Variants in TANC1 observed in about 807,000 individuals in gnomAD.
TANC1 encodes tetratricopeptide repeat, ankyrin repeat and coiled-coil containing 1.
TANC1 carries 77 observed loss-of-function variants against 149.7 expected under a neutral mutation model. The ratio of observed to expected loss-of-function variants is 0.51; its 90% CI spans 0.43 to 0.62. The LOEUF (loss-of-function observed/expected upper bound fraction) is 0.62, where lower values mean the gene tolerates loss of function less well. TANC1 is among the 20% of genes least tolerant of loss of function. TANC1 has a pLI of 0.00. For synonymous variants in TANC1, 854 were observed against 925.0 expected, an observed-to-expected ratio of 0.92 and a Z score of 1.39; for missense variants, 1,985 against 2,321.8, an observed-to-expected ratio of 0.85 and a Z score of 2.98.
chr2:159,188,244 A>C (rs1341054642), intron 16 of TANC1, among the ~76,000 whole-genome samples: 1 of 152,250 alleles, frequency 6.6e-6, no homozygotes, highest in African/African-American at 2.4e-5. Context: ...CAATTAAGGA[A>C]CTTTTTTTAG....
At chr2:159,018,667 C>A (rs1053220691) in intron 2 of TANC1, among the ~76,000 whole-genome samples, 1 of 152,172 alleles carries the variant, frequency 6.6e-6, no homozygotes, top group South Asian at 2.1e-4. Flanking sequence ...TTCCCTCAGC[C>A]CCTCTAACCT....
At chr2:159,154,889 G>A (rs566814813) in intron 7 of TANC1, among the ~76,000 whole-genome samples, 1 of 152,254 alleles carries the variant, frequency 6.6e-6, no homozygotes, top group East Asian at 1.9e-4. Context: ...GTTACTTACT[G>A]TGAAAAGAAA....
intron 2 of TANC1, among the ~76,000 whole-genome samples, chr2:159,042,004 TCTC>T (rs1252438014): frequency 6.6e-6 from 1 of 152,164 alleles, no homozygotes; most frequent in Non-Finnish European, 1.5e-5. Flanking sequence ...CATGTAGGGT[TCTC>T]CTCTGTGCTT....
intron 19 of TANC1, 53 bp from the exon 20 acceptor site, chr2:159,217,444 A>C (rs928468475): frequency 4.4e-6 from 7 of 1,607,728 alleles, no homozygotes; most frequent in Non-Finnish European, 6.0e-6. Flanking sequence ...ATTTCTGGCT[A>C]TCTGTGCTCC....
At chr2:159,140,261 A>G (rs1208593338) in intron 5 of TANC1, among the ~76,000 whole-genome samples, 4 of 152,140 alleles carry the variant, frequency 2.6e-5, no homozygotes, top group African/African-American at 7.2e-5. Context: ...ATTGAAAAAA[A>G]TGCATAGTCA....
chr2:159,094,671 T>G (rs1199431373), intron 3 of TANC1, among the ~76,000 whole-genome samples: 1 of 151,872 alleles, frequency 6.6e-6, no homozygotes, highest in African/African-American at 2.4e-5. Flanking sequence ...TCCAGACTCA[T>G]GCACAGTGCT....
Position 159,227,930 on chromosome 2 carries a change from T to C in TANC1, c.4015T>C (p.Tyr1339His), listed in dbSNP as rs1337434267. The change falls in exon 25 of 27, where the codon TAT (tyrosine) becomes CAT (histidine). Residue 1339 changes from tyrosine to histidine, a missense_variant. Tyr to His is a moderately conservative substitution (Grantham distance 83). This residue lies in a region of TANC1 where 920 missense variants were observed against 994.7 expected (regional missense o/e 0.92). Transcript: ENST00000263635. Reference protein sequence around the residue: ...RPFNELRVSLYLNLSRCRRKT... With the variant: ...RPFNELRVSLHLNLSRCRRKT... ...CTTCAATGAATTAAGGGTTTCCCTC[T>C]ATCTCAATTTGTCGCGATGCCGAAG... The C allele has an allele frequency of 6.2e-7, 1 of 1,613,476 alleles. No individual in the cohort carries two copies. The highest frequency in any genetic ancestry group is 8.5e-7 in the Non-Finnish European group (1 of 1,179,822).
chr2:159,030,897 C>T (rs1206737843), intron 2 of TANC1, among the ~76,000 whole-genome samples: 1 of 152,004 alleles, frequency 6.6e-6, no homozygotes, highest in East Asian at 1.9e-4. Context: ...GGGAGGGAGT[C>T]CAGGTGTCAG....
intron 2 of TANC1, among the ~76,000 whole-genome samples, chr2:159,062,152 T>G (rs577679138): frequency 1.3e-5 from 2 of 152,116 alleles, no homozygotes; most frequent in Admixed American, 6.5e-5. Context: ...GCAAGAAAAT[T>G]GCTTGAACCC....
intron 19 of TANC1, among the ~76,000 whole-genome samples, chr2:159,210,569 G>T (rs893184391): frequency 1.3e-5 from 2 of 151,840 alleles, no homozygotes; most frequent in Non-Finnish European, 2.9e-5. Flanking sequence ...TTGTTTGTTT[G>T]TTTTTTGTTT....
At chr2:159,192,928 G>C (rs989067170) in intron 16 of TANC1, among the ~76,000 whole-genome samples, 2 of 152,220 alleles carry the variant, frequency 1.3e-5, no homozygotes, top group African/African-American at 4.8e-5. Context: ...GGGATTACAG[G>C]CATGAGCCAC....
chr2:159,228,668 G>A, intron 25 of TANC1, 128 bp from the exon 26 acceptor site: 2 of 680,318 alleles, frequency 2.9e-6, no homozygotes, highest in Middle Eastern at 3.6e-4. Context: ...ATAGAAAACG[G>A]AACTTTCCCT....
chr2:159,046,389 A>G (rs141312421), intron 2 of TANC1, among the ~76,000 whole-genome samples: 8 of 152,244 alleles, frequency 5.3e-5, no homozygotes, highest in African/African-American at 1.9e-4. Flanking sequence ...GACTGACCCT[A>G]CAGATGGCCT....
At chr2:158,977,867 T>TAATA (rs1367418990) in intron 1 of TANC1, among the ~76,000 whole-genome samples, 1 of 152,080 alleles carries the variant, frequency 6.6e-6, no homozygotes, top group African/African-American at 2.4e-5. Context: ...CTCCTGCCCG[T>TAATA]CCCTGATACT....
chr2:158,981,493 ATATATATATATAT>A (rs1559096041), intron 1 of TANC1, among the ~76,000 whole-genome samples: 6,571 of 48,490 alleles, frequency 0.14, 550 homozygotes, highest in South Asian at 0.25. Flanking sequence ...TATAGCTTTT[ATATATATATATAT>A]ATATATATAT....
intron 13 of TANC1, among the ~76,000 whole-genome samples, chr2:159,178,162 G>T (rs564921651): frequency 5.2e-4 from 79 of 152,348 alleles, no homozygotes; most frequent in African/African-American, 1.8e-3. Context: ...TCTTAGATGT[G>T]CAGTGTTGGT....
rs1207335283 is a variant in TANC1 at position 159,010,195 on chromosome 2, T to C, written c.-16+9006T>C. Among the ~76,000 whole-genome samples, 3 of 152,200 alleles carry C rather than the reference T, an allele frequency of 2.0e-5. No homozygotes were observed. The East Asian group carries it at 5.8e-4, about 29-fold the overall frequency. Reference sequence around the variant, plus strand: ...TCAGCCCTGGAGTTTTCTTAAATGATAGTTATGCTATCATTCAGAGAACAT... The same window carrying C: ...TCAGCCCTGGAGTTTTCTTAAATGACAGTTATGCTATCATTCAGAGAACAT... On this transcript the variant is annotated intron_variant, in intron 2 of 26. Transcript: ENST00000263635.
chr2:159,005,501 T>C (rs979743582), intron 2 of TANC1, among the ~76,000 whole-genome samples: 6 of 152,030 alleles, frequency 3.9e-5, no homozygotes, highest in Non-Finnish European at 8.8e-5. Context: ...GGTGGGAGGA[T>C]CACCTGAGCC....
At chr2:159,201,595 G>C (rs753748341) in intron 19 of TANC1, among the ~76,000 whole-genome samples, 1 of 152,160 alleles carries the variant, frequency 6.6e-6, no homozygotes, top group Non-Finnish European at 1.5e-5. Flanking sequence ...CCTCATTCCT[G>C]GGTGTAGTCA....
Sources: gnomAD v4.1 joint callset for allele counts (sites outside exome capture counted in the v4.1 genomes callset) on GRCh38, gnomAD v4.1.1 for gene constraint, gnomAD v4.1.1 regional missense constraint, MANE v1.5 for transcripts, NCBI Gene and HGNC (gene_info 2026-07-23, HGNC 2026-07-21) for gene names.